The following CPB1 variants were observed in gnomAD, a reference collection of about 807,000 sequenced individuals.
CPB1 encodes carboxypeptidase B.
Under a neutral mutation model 51.4 loss-of-function variants are expected in CPB1, and 53 were observed. The observed-to-expected ratio is 1.03, with a 90% confidence interval of 0.83 to 1.30. The LOEUF is 1.30. Ranked by LOEUF, CPB1 falls within the 50% of genes most tolerant of loss-of-function variation. The pLI is 0.00. For missense variants in CPB1, 494 were observed against 516.2 expected (o/e 0.96, Z 0.42); for synonymous variants, 189 against 186.9 (o/e 1.01, Z -0.09).
intron 5 of CPB1, among the ~76,000 whole-genome samples, chr3:148,841,289 TC>T (rs1218793013): frequency 2.6e-5 from 4 of 152,218 alleles, no homozygotes; most frequent in Admixed American, 1.3e-4. Context: ...GGTTTGCAAA[TC>T]CATTTTTAAA....
intron 9 of CPB1, chr3:148,855,432 G>A (rs943760575): frequency 6.6e-6 from 1 of 152,166 alleles, no homozygotes; most frequent in African/African-American, 2.4e-5. Context: ...CCCAGAGTGT[G>A]GTTTGAGGAA....
intron 10 of CPB1, among the ~76,000 whole-genome samples, chr3:148,859,149 G>A (rs994065454): frequency 6.6e-6 from 1 of 152,144 alleles, no homozygotes; most frequent in Non-Finnish European, 1.5e-5. Context: ...TTGGAGGGCA[G>A]AGCCAACATC....
intron 4 of CPB1, 37 bp from the exon 5 acceptor site, chr3:148,840,837 A>G: frequency 6.2e-7 from 1 of 1,613,574 alleles, no homozygotes; most frequent in South Asian, 1.1e-5. Flanking sequence ...TTGAACCAAG[A>G]ATGCCACATT....
intron 2 of CPB1, among the ~76,000 whole-genome samples, chr3:148,833,929 A>C (rs1194198975): frequency 6.6e-6 from 1 of 150,878 alleles, no homozygotes; most frequent in Admixed American, 6.6e-5. Flanking sequence ...CTGGATCCCC[A>C]AGAGCAATTT....
Position 148,844,524 on chromosome 3 carries a change from A to C in CPB1, c.623A>C (p.Asp208Ala). Residue 208 changes from aspartate to alanine, a missense_variant, in exon 7 of 11, where the codon GAC becomes GCC. Transcript: ENST00000282957. ...GAGATCCAAGTGACAGAGCTTCTCGACAAGTTAGACTTTTATGTCCTGCCT... is the reference window on the plus strand; with the variant it reads ...GAGATCCAAGTGACAGAGCTTCTCGCCAAGTTAGACTTTTATGTCCTGCCT... The part of the protein sequence containing the change: ...GREIQVTELL[D>A]KLDFYVLPVL... 1.9e-6 allele frequency: 3 copies of C among 1,613,928 alleles called. No individual in the cohort carries two copies. Among genetic ancestry groups the C allele is most frequent in the Non-Finnish European group, 2.5e-6 (3 of 1,179,856 alleles).
At chr3:148,844,380 C>T (rs750408411) in intron 6 of CPB1, 98 bp from the exon 7 acceptor site, 157 of 817,444 alleles carry the variant, frequency 1.9e-4, no homozygotes, top group Middle Eastern at 3.2e-4. Context: ...GGAAATGCTG[C>T]TCTTATTACC....
intron 3 of CPB1, among the ~76,000 whole-genome samples, chr3:148,837,806 A>C (rs1712950307): frequency 6.6e-6 from 1 of 152,000 alleles, no homozygotes; most frequent in Non-Finnish European, 1.5e-5. Context: ...CTTGGGTGTC[A>C]TCTTCAATTT....
intron 3 of CPB1, among the ~76,000 whole-genome samples, chr3:148,838,748 C>A (rs1334081031): frequency 1.3e-5 from 2 of 152,130 alleles, no homozygotes; most frequent in Admixed American, 6.5e-5. Context: ...TGGATATTTA[C>A]TAATCAAATG....
At chr3:148,844,638 C>G (rs9835098) in intron 7 of CPB1, 39 bp from the exon 8 acceptor site, 352,958 of 1,611,756 alleles carry the variant, frequency 0.22, 39,324 homozygotes, top group East Asian at 0.29. Flanking sequence ...ACCAACGCCT[C>G]TCTATTATAT....
chr3:148,833,144 C>A (rs1299287540), intron 2 of CPB1, among the ~76,000 whole-genome samples: 2 of 152,096 alleles, frequency 1.3e-5, no homozygotes, highest in African/African-American at 4.8e-5. Flanking sequence ...TGTCTTTATA[C>A]TTCCTCACTT....
At chr3:148,834,698 AG>A (rs1576567268) in intron 3 of CPB1, 76 bp downstream of exon 3, 3 of 1,449,662 alleles carry the variant, frequency 2.1e-6, no homozygotes, top group East Asian at 4.7e-5. Context: ...AACTCTGGGA[AG>A]GAAGAAATGA....
chr3:148,832,597 C>A (rs1424942497), intron 2 of CPB1, among the ~76,000 whole-genome samples: 1 of 152,196 alleles, frequency 6.6e-6, no homozygotes, highest in Non-Finnish European at 1.5e-5. Flanking sequence ...TGGCGGTAAA[C>A]CCACAGGGAA....
chr3:148,859,427 G>T (rs551984313), intron 10 of CPB1, among the ~76,000 whole-genome samples: 3 of 152,110 alleles, frequency 2.0e-5, no homozygotes, highest in Non-Finnish European at 4.4e-5. Context: ...TTATCGTTTG[G>T]CACAGTTTCA....
At chr3:148,829,986 A>G (rs561166796) in intron 2 of CPB1, among the ~76,000 whole-genome samples, 2 of 152,282 alleles carry the variant, frequency 1.3e-5, no homozygotes, top group Admixed American at 6.5e-5. Flanking sequence ...TACTAAGATC[A>G]AGATTCAACA....
At chr3:148,843,230 T>A (rs1264215915) in intron 6 of CPB1, among the ~76,000 whole-genome samples, 1 of 152,190 alleles carries the variant, frequency 6.6e-6, no homozygotes, top group Non-Finnish European at 1.5e-5. Context: ...TTCACTTTAA[T>A]AATTATACCA....
chr3:148,841,097 A>C, intron 5 of CPB1, 122 bp downstream of exon 5: 1 of 749,712 alleles, frequency 1.3e-6, no homozygotes, highest in South Asian at 2.1e-5. Flanking sequence ...TTTCCTGCCT[A>C]CATCCCCGAG....
At chr3:148,828,291 T>C (rs1712633098) in intron 2 of CPB1, among the ~76,000 whole-genome samples, 2 of 152,184 alleles carry the variant, frequency 1.3e-5, no homozygotes, top group South Asian at 4.1e-4. Flanking sequence ...TGGTAACTTT[T>C]AAAAGAGCTG....
At chr3:148,854,815 A>C (rs917499657) in intron 9 of CPB1, 8 of 152,210 alleles carry the variant, frequency 5.3e-5, no homozygotes, top group African/African-American at 1.9e-4. Flanking sequence ...CATACAGTGA[A>C]CCCTGATAAA....
At chr3:148,828,775 T>C (rs1712646167) in intron 2 of CPB1, among the ~76,000 whole-genome samples, 2 of 152,148 alleles carry the variant, frequency 1.3e-5, no homozygotes, top group African/African-American at 2.4e-5. Context: ...ACTAAAATAA[T>C]CTGCTAGCTT....
Sources: allele counts gnomAD v4.1 joint callset (sites outside exome capture counted in the v4.1 genomes callset), GRCh38; gene constraint gnomAD v4.1.1; transcripts MANE v1.5; gene names NCBI Gene and HGNC (gene_info 2026-07-23, HGNC 2026-07-21).